GPM6B: variants seen among roughly 807,000 people sequenced by gnomAD.
The protein encoded by GPM6B is glycoprotein M6B, also known as neuronal membrane glycoprotein M6-b.
GPM6B carries 4 observed loss-of-function variants against 27.2 expected under a neutral mutation model. The observed-to-expected ratio is 0.15, with a 90% CI of 0.07 to 0.34. GPM6B has a LOEUF of 0.34. GPM6B is among the 10% of genes least tolerant of loss of function. GPM6B has a pLI of 1.00. For missense variants in GPM6B, 183 were observed against 261.9 expected, an observed-to-expected ratio of 0.70 and a Z score of 2.08; for synonymous variants, 124 against 103.1, an observed-to-expected ratio of 1.20 and a Z score of -1.23.
At chrX:13,905,830 G>A (rs1193068017) in intron 1 of GPM6B, among the ~76,000 whole-genome samples, 1 of 110,573 alleles carries the variant, frequency 9.0e-6, no homozygotes, top group Non-Finnish European at 1.9e-5. Flanking sequence ...TCTTGGATGT[G>A]AGAAGATTTG....
At chrX:13,868,761 C>T (rs983940426) in intron 1 of GPM6B, among the ~76,000 whole-genome samples, 5 of 112,245 alleles carry the variant, frequency 4.5e-5, no homozygotes, top group Non-Finnish European at 7.5e-5. Flanking sequence ...TCCTTTCTCA[C>T]ACTTATTCAA....
At chrX:13,797,328 G>A (rs191349340) in intron 2 of GPM6B, among the ~76,000 whole-genome samples, 75 of 111,723 alleles carry the variant, frequency 6.7e-4, no homozygotes, top group Non-Finnish European at 1.2e-3. Context: ...ATATGGGGGA[G>A]TGAGGTAGGG....
intron 1 of GPM6B, among the ~76,000 whole-genome samples, chrX:13,912,175 T>C (rs756683807): frequency 8.9e-5 from 10 of 112,382 alleles, no homozygotes; most frequent in African/African-American, 2.9e-4. Context: ...GCTTAATCTA[T>C]AGTGAATCCA....
chrX:13,811,815 T>G (rs2049135162), intron 1 of GPM6B, among the ~76,000 whole-genome samples: 1 of 111,803 alleles, frequency 8.9e-6, no homozygotes, highest in African/African-American at 3.3e-5. Context: ...ACATTTTCTC[T>G]TATACACTCT....
intron 1 of GPM6B, among the ~76,000 whole-genome samples, chrX:13,852,809 T>C (rs1265078270): frequency 2.9e-5 from 3 of 102,981 alleles, no homozygotes; most frequent in Non-Finnish European, 5.9e-5. Context: ...GGTTTCACTC[T>C]GTCACCCAGG....
intron 1 of GPM6B, among the ~76,000 whole-genome samples, chrX:13,919,175 T>C (rs189544077): frequency 1.4e-4 from 16 of 111,723 alleles, no homozygotes; most frequent in African/African-American, 4.9e-4. Context: ...CTGGCCAATA[T>C]GTAGCTCTAT....
chrX:13,854,192 T>C (rs1008677180), intron 1 of GPM6B, among the ~76,000 whole-genome samples: 2 of 111,679 alleles, frequency 1.8e-5, no homozygotes, highest in African/African-American at 6.5e-5. Context: ...AAACCAACTG[T>C]GGCACTCCAG....
intron 1 of GPM6B, among the ~76,000 whole-genome samples, chrX:13,925,604 C>T (rs888875167): frequency 8.5e-5 from 9 of 106,209 alleles, no homozygotes; most frequent in Non-Finnish European, 1.5e-4. Flanking sequence ...TTACATTTTA[C>T]CTTTAAAAAA....
chrX:13,835,305 T>C (rs1013398323), intron 1 of GPM6B, among the ~76,000 whole-genome samples: 1 of 112,066 alleles, frequency 8.9e-6, no homozygotes, highest in African/African-American at 3.2e-5. Context: ...GGCAAGTATG[T>C]AGTCAAGCTT....
At chrX:13,860,310 T>C (rs1351850748) in intron 1 of GPM6B, among the ~76,000 whole-genome samples, 1 of 111,948 alleles carries the variant, frequency 8.9e-6, no homozygotes, top group African/African-American at 3.2e-5. Context: ...GGGTAAAATA[T>C]GACTGTCATT....
intron 1 of GPM6B, among the ~76,000 whole-genome samples, chrX:13,858,812 T>C (rs1032310051): frequency 8.3e-4 from 93 of 112,027 alleles, no homozygotes; most frequent in African/African-American, 2.9e-3. Context: ...TCAATTCTCA[T>C]GGGATTTCTT....
At position 13,881,330 on chromosome X, in the gene GPM6B, C is replaced by T. The variant is rs183089282; in HGVS notation, c.-198+56997G>A. On this transcript the variant is annotated intron_variant, in intron 1 of 6. Transcript: ENST00000398361. ...CTCGAGACCAGCCTGGGCAACACAG[C>T]GAGACCCCATCTCTACAAAATATTT... Among the ~76,000 whole-genome samples the T allele has an allele frequency of 1.6e-3, 178 of 111,661 alleles. 1 individual carries two copies. The South Asian group carries it at 0.052, about 33-fold the overall frequency.
intron 2 of GPM6B, among the ~76,000 whole-genome samples, chrX:13,800,634 A>G (rs887362346): frequency 8.9e-6 from 1 of 112,214 alleles, no homozygotes; most frequent in African/African-American, 3.2e-5. Flanking sequence ...TCTTAACTGT[A>G]AATACATATA....
chrX:13,895,761 C>T (rs1191500702), intron 1 of GPM6B, among the ~76,000 whole-genome samples: 1 of 110,943 alleles, frequency 9.0e-6, no homozygotes. Flanking sequence ...CTGTCCATAT[C>T]TTGAGATCTA....
chrX:13,846,472 C>T (rs1376831590), intron 1 of GPM6B, among the ~76,000 whole-genome samples: 1 of 111,372 alleles, frequency 9.0e-6, no homozygotes, highest in African/African-American at 3.3e-5. Flanking sequence ...ATCTCTCCCT[C>T]GACCATCTTT....
chrX:13,937,084 C>T (rs932213545), intron 1 of GPM6B, among the ~76,000 whole-genome samples: 1 of 111,417 alleles, frequency 9.0e-6, no homozygotes, highest in South Asian at 3.8e-4. Context: ...TCATTTAAAA[C>T]GGAGGTTGAA....
chrX:13,912,339 TAA>T (rs201523442), intron 1 of GPM6B, among the ~76,000 whole-genome samples: 1,550 of 112,104 alleles, frequency 0.014, 21 homozygotes, highest in African/African-American at 0.048. Context: ...GCTGAACCAA[TAA>T]AAGATGAAAT....
At chrX:13,794,693 A>T (rs2048777894) in intron 2 of GPM6B, among the ~76,000 whole-genome samples, 1 of 112,133 alleles carries the variant, frequency 8.9e-6, no homozygotes, top group African/African-American at 3.2e-5. Context: ...AAAATAAATT[A>T]AAAAGCCAGT....
intron 1 of GPM6B, among the ~76,000 whole-genome samples, chrX:13,880,076 A>C (rs2050078679): frequency 1.8e-5 from 2 of 112,573 alleles, no homozygotes; most frequent in Admixed American, 1.9e-4. Flanking sequence ...CTTGCTTCGC[A>C]AAGAACACAA....
Sources: gnomAD v4.1 joint callset for allele counts (sites outside exome capture counted in the v4.1 genomes callset) on GRCh38, gnomAD v4.1.1 for gene constraint, MANE v1.5 for transcripts, NCBI Gene and HGNC (gene_info 2026-07-23, HGNC 2026-07-21) for gene names.